The following PHLDB2 variants were observed in gnomAD, a reference collection of about 807,000 sequenced individuals.
The protein encoded by PHLDB2 is pleckstrin homology-like domain family B member 2.
A neutral mutation model predicts 123.6 loss-of-function variants in PHLDB2; 71 were observed. That is an observed-to-expected ratio of 0.57 (90% CI 0.47 to 0.70). The LOEUF (loss-of-function observed/expected upper bound fraction) is 0.70, where lower values mean the gene tolerates loss of function less well. Ranked by LOEUF, PHLDB2 falls within the 30% of genes least tolerant of loss-of-function variation. PHLDB2 has a pLI of 0.00. For missense variants in PHLDB2, 1,446 were observed against 1,519.5 expected, an observed-to-expected ratio of 0.95 and a Z score of 0.80; for synonymous variants, 547 against 541.6, an observed-to-expected ratio of 1.01 and a Z score of -0.14.
intron 1 of PHLDB2, among the ~76,000 whole-genome samples, chr3:111,831,030 A>AAAGAAAGGAAGGAAGG (rs1559855366): frequency 1.4e-5 from 1 of 72,012 alleles, no homozygotes; most frequent in Non-Finnish European, 2.9e-5. Context: ...AGAAAGAAAG[A>AAAGAAAGGAAGGAAGG]AAGGAAGGAA....
In PHLDB2 at chr3:111,976,105, G is replaced by A. The variant is rs2072471031; in HGVS notation, c.*1542G>A. ...ACTAAAATATAATTGCTAAGATTTT[G>A]TTGGTTAATGTAAAGATATGACTTT... On this transcript the variant is annotated 3_prime_UTR_variant, in exon 18 of 18. Transcript: ENST00000431670. 6.5e-6 allele frequency: 1 copy of A among 152,672 alleles called. No individual in the cohort carries two copies. The highest frequency in any genetic ancestry group is 1.5e-5 in the Non-Finnish European group (1 of 68,044). The allele number at this position is 152,672 out of a possible 1,614,324, so 9.5% of individuals were successfully genotyped here.
At chr3:111,928,752 A>G (rs1434737953) in intron 5 of PHLDB2, among the ~76,000 whole-genome samples, 1 of 152,212 alleles carries the variant, frequency 6.6e-6, no homozygotes, top group African/African-American at 2.4e-5. Flanking sequence ...AAATATACAA[A>G]ATAGGTCAAA....
chr3:111,806,483 CT>C (rs1245691329), intron 1 of PHLDB2, among the ~76,000 whole-genome samples: 4 of 145,778 alleles, frequency 2.7e-5, no homozygotes, highest in Admixed American at 6.8e-5. Flanking sequence ...TTTTTTTCTT[CT>C]TTTTTTTTTC....
chr3:111,896,920 A>G (rs1441489122), intron 2 of PHLDB2, among the ~76,000 whole-genome samples: 1 of 152,210 alleles, frequency 6.6e-6, no homozygotes, highest in African/African-American at 2.4e-5. Context: ...ACAAGCAATC[A>G]TAGGACGTAA....
intron 2 of PHLDB2, among the ~76,000 whole-genome samples, chr3:111,852,716 G>T (rs1440553816): frequency 6.6e-6 from 1 of 151,598 alleles, no homozygotes; most frequent in Non-Finnish European, 1.5e-5. Flanking sequence ...TAAGAAAAGT[G>T]AGCCAGATAA....
intron 2 of PHLDB2, among the ~76,000 whole-genome samples, chr3:111,854,121 G>A (rs2064379697): frequency 6.6e-6 from 1 of 152,120 alleles, no homozygotes; most frequent in African/African-American, 2.4e-5. Context: ...TTCTTCACAG[G>A]GCAGCAGGAC....
At position 111,960,134 on chromosome 3, in the gene PHLDB2, C is replaced by G. The variant is rs1004530346; in HGVS notation, c.2873-1974C>G. ...CATTTGCATAATAAATAATTGGAAACAACTTAAAAGGAGCAATTAGTAATT... is the reference window on the plus strand; with the variant it reads ...CATTTGCATAATAAATAATTGGAAAGAACTTAAAAGGAGCAATTAGTAATT... On this transcript the variant is annotated intron_variant, in intron 12 of 17. Transcript: ENST00000431670. 3.6e-6 allele frequency: 3 copies of G among 835,092 alleles called. No homozygotes were observed. The African/African-American group carries it at 5.6e-5, about 15-fold the overall frequency. The allele number at this position is 835,092 out of a possible 1,614,324, so 51.7% of individuals were successfully genotyped here.
At position 111,834,389 on chromosome 3, in the gene PHLDB2, A is replaced by ATG. The variant is rs1289302698; in HGVS notation, c.-48-11426_-48-11425dup. 3.4e-5 allele frequency among the ~76,000 whole-genome samples: 5 copies of ATG among 145,530 alleles called. No homozygotes were observed. The South Asian group carries it at 8.5e-4, about 25-fold the overall frequency. ...ATATAGTCATCTGATTTTTATATAT[A>ATG]TGTGTGTATATATATACACACATAT... On this transcript the variant is annotated intron_variant, in intron 1 of 17. Coordinates refer to the PHLDB2 transcript ENST00000393923.
chr3:111,856,627 G>A (rs1348101018), upstream of PHLDB2, among the ~76,000 whole-genome samples: 2 of 152,188 alleles, frequency 1.3e-5, no homozygotes, highest in Non-Finnish European at 2.9e-5. Context: ...AGACCTGAAG[G>A]GAGAAAGGTT....
intron 1 of PHLDB2, among the ~76,000 whole-genome samples, chr3:111,748,926 T>C (rs974556506): frequency 6.6e-6 from 1 of 152,096 alleles, no homozygotes. Flanking sequence ...TTCCAAGTCA[T>C]ACTCTAAACA....
At chr3:111,927,599 A>C (rs1486540995) in intron 5 of PHLDB2, among the ~76,000 whole-genome samples, 1 of 152,164 alleles carries the variant, frequency 6.6e-6, no homozygotes, top group Non-Finnish European at 1.5e-5. Flanking sequence ...AAATACAAGA[A>C]CCTCAGGTAC....
At chr3:111,832,022 C>A (rs925877298) in intron 1 of PHLDB2, among the ~76,000 whole-genome samples, 1 of 152,158 alleles carries the variant, frequency 6.6e-6, no homozygotes, top group African/African-American at 2.4e-5. Context: ...TCCCATGACA[C>A]TGGCTCATGA....
At chr3:111,907,478 C>T (rs4608659) in intron 2 of PHLDB2, among the ~76,000 whole-genome samples, 42,509 of 152,006 alleles carry the variant, frequency 0.28, 7,188 homozygotes, top group East Asian at 0.64. Flanking sequence ...GTAGTACCCA[C>T]AGGTTTTTTG....
chr3:111,898,199 T>C (rs1344404269), intron 2 of PHLDB2, among the ~76,000 whole-genome samples: 3 of 151,428 alleles, frequency 2.0e-5, no homozygotes, highest in African/African-American at 7.3e-5. Context: ...TGTGTGTGTG[T>C]GTGTGTGTCT....
Position 111,974,638 on chromosome 3 carries a change from G to C in PHLDB2, c.*75G>C. ...AAGAATGAAGCCATATTCAACCCCAGATGAGAAAACCCAACAGATCCATCC... is the reference window on the plus strand; with the variant it reads ...AAGAATGAAGCCATATTCAACCCCACATGAGAAAACCCAACAGATCCATCC... On this transcript the variant is annotated 3_prime_UTR_variant, in exon 18 of 18. Transcript: ENST00000431670. 1 of 1,403,902 alleles carries C rather than the reference G, an allele frequency of 7.1e-7. No individual in the cohort carries two copies. The highest frequency in any genetic ancestry group is 9.4e-7 in the Non-Finnish European group (1 of 1,063,326). 87.0% of individuals were successfully genotyped at this position (1,403,902 alleles called of 1,614,324 possible).
At chr3:111,944,203 C>A (rs765725757) in intron 8 of PHLDB2, among the ~76,000 whole-genome samples, 1 of 151,980 alleles carries the variant, frequency 6.6e-6, no homozygotes, top group African/African-American at 2.4e-5. Flanking sequence ...GTGTTAAGGC[C>A]GTGGAAATCA....
chr3:111,910,600 T>G (rs1370451003), intron 2 of PHLDB2, among the ~76,000 whole-genome samples: 2 of 152,218 alleles, frequency 1.3e-5, no homozygotes, highest in Non-Finnish European at 2.9e-5. Context: ...AACAGTGCCC[T>G]CTTTGATTCT....
chr3:111,898,921 G>A (rs2067033803), intron 2 of PHLDB2, among the ~76,000 whole-genome samples: 1 of 152,128 alleles, frequency 6.6e-6, no homozygotes, highest in African/African-American at 2.4e-5. Flanking sequence ...CATCCATAAG[G>A]ACTGGAATCA....
intron 1 of PHLDB2, among the ~76,000 whole-genome samples, chr3:111,764,193 G>A (rs2060040358): frequency 6.6e-6 from 1 of 152,182 alleles, no homozygotes; most frequent in South Asian, 2.1e-4. Flanking sequence ...GGGAAGATCT[G>A]ATGAAGTAAT....
Sources: allele counts gnomAD v4.1 joint callset (sites outside exome capture counted in the v4.1 genomes callset), GRCh38; gene constraint gnomAD v4.1.1; transcripts MANE v1.5; gene names NCBI Gene and HGNC (gene_info 2026-07-23, HGNC 2026-07-21).